Variants in NTRK3 observed in about 807,000 individuals in gnomAD.
NTRK3 encodes NT-3 growth factor receptor.
NTRK3 carries 24 observed loss-of-function variants against 91.7 expected under a neutral mutation model. That is an observed-to-expected ratio of 0.26 (90% confidence interval 0.19 to 0.37). NTRK3 has a LOEUF of 0.37. Among genes scored for constraint, NTRK3 ranks in the 10% least tolerant of loss-of-function variants. NTRK3 has a pLI of 1.00. For synonymous variants in NTRK3, 483 were observed against 404.0 expected, an observed-to-expected ratio of 1.20 and a Z score of -2.34; for missense variants, 880 against 1,068.9, an observed-to-expected ratio of 0.82 and a Z score of 2.46.
rs1284389802 is a variant in NTRK3, at chr15:88,233,089, G to A, written c.248+22817C>T. Among the ~76,000 whole-genome samples the A allele has an allele frequency of 6.6e-6, 1 of 152,184 alleles. No homozygotes were observed. Among genetic ancestry groups the A allele is most frequent in the Non-Finnish European group, 1.5e-5 (1 of 68,032 alleles). On this transcript the variant is annotated intron_variant, in intron 3 of 18. Coordinates refer to ENST00000394480, the Ensembl canonical transcript of NTRK3. The surrounding 1 kb of genome is among the most constrained non-coding windows in gnomAD (Gnocchi z 4.2). Reference sequence around the variant, plus strand: ...GATGGCTTCAAGGCTGAGGGGAGAAGGGACCATTAAACTCACTGAATAAGT... The same window carrying A: ...GATGGCTTCAAGGCTGAGGGGAGAAAGGACCATTAAACTCACTGAATAAGT...
intron 5 of NTRK3, among the ~76,000 whole-genome samples, chr15:88,169,512 T>C (rs1467416983): frequency 6.6e-6 from 1 of 152,198 alleles, no homozygotes; most frequent in African/African-American, 2.4e-5. Flanking sequence ...CTTGTCTTTC[T>C]GCAGCCCTGA....
intron 17 of NTRK3, among the ~76,000 whole-genome samples, chr15:87,904,154 A>AC (rs2066614238): frequency 7.0e-6 from 1 of 142,762 alleles, no homozygotes; most frequent in Non-Finnish European, 1.5e-5. Flanking sequence ...TACAATAAGC[A>AC]TTTTTTTTTT....
intron 5 of NTRK3, among the ~76,000 whole-genome samples, chr15:88,166,451 G>C (rs370024676): frequency 6.6e-6 from 1 of 152,158 alleles, no homozygotes; most frequent in African/African-American, 2.4e-5. Flanking sequence ...GGCAATGCTA[G>C]GGGAAGGTGA....
rs554452198 is a variant in NTRK3, at chr15:88,049,299, G to GCATATGTTTAT, written c.1397-16255_1397-16254insATAAACATATG. On this transcript the variant is annotated intron_variant, in intron 13 of 18. Transcript: ENST00000394480. Reference sequence around the variant, plus strand: ...AGTTTTCAAGAGTTTATGTTCCCAGGGCAGCAGGCATAATTTTGACCCTGT... The same window carrying GCATATGTTTAT: ...AGTTTTCAAGAGTTTATGTTCCCAGGCATATGTTTATGCAGCAGGCATAATTTTGACCCTGT... Among the ~76,000 whole-genome samples, 120 of 152,180 alleles carry GCATATGTTTAT rather than the reference G, an allele frequency of 7.9e-4. 2 individuals are homozygous for GCATATGTTTAT. The South Asian group carries it at 0.024, about 30-fold the overall frequency.
intron 13 of NTRK3, among the ~76,000 whole-genome samples, chr15:88,066,229 C>A (rs1024163006): frequency 6.6e-6 from 1 of 152,162 alleles, no homozygotes; most frequent in East Asian, 1.9e-4. Flanking sequence ...TCAATGGGCA[C>A]GTCAGACATG....
intron 13 of NTRK3, among the ~76,000 whole-genome samples, chr15:88,104,191 A>T (rs577570434): frequency 2.7e-4 from 41 of 152,360 alleles, no homozygotes; most frequent in African/African-American, 9.4e-4. Context: ...GACGTCAGGG[A>T]CACATCCACC....
At chr15:87,983,534 A>T (rs2074476947) in intron 14 of NTRK3, among the ~76,000 whole-genome samples, 1 of 152,214 alleles carries the variant, frequency 6.6e-6, no homozygotes, top group Admixed American at 6.5e-5. Context: ...TATCACCTAC[A>T]GTTAGTTCTT....
chr15:88,075,356 G>A (rs745372877), intron 13 of NTRK3, among the ~76,000 whole-genome samples: 1 of 152,206 alleles, frequency 6.6e-6, no homozygotes, highest in East Asian at 1.9e-4. Flanking sequence ...GCCTTCACCA[G>A]TATGACTGTC....
chr15:87,954,158 C>A (rs575485027), intron 14 of NTRK3, among the ~76,000 whole-genome samples: 1 of 152,088 alleles, frequency 6.6e-6, no homozygotes, highest in Admixed American at 6.6e-5. Flanking sequence ...GCAAGGCCCA[C>A]GGCCTGGGTT....
At chr15:88,005,242 T>C (rs889339716) in intron 14 of NTRK3, among the ~76,000 whole-genome samples, 1 of 152,194 alleles carries the variant, frequency 6.6e-6, no homozygotes, top group Admixed American at 6.5e-5. Context: ...CATGCTTTCC[T>C]GAGTAGGAGC....
At chr15:88,143,602 TCA>T (rs1193197244) in intron 6 of NTRK3, among the ~76,000 whole-genome samples, 2 of 152,198 alleles carry the variant, frequency 1.3e-5, no homozygotes, top group African/African-American at 4.8e-5. Flanking sequence ...CCTTCCTTCT[TCA>T]CAAATTTATT....
intron 16 of NTRK3, among the ~76,000 whole-genome samples, chr15:87,930,488 T>A (rs967627966): frequency 6.6e-6 from 1 of 152,084 alleles, no homozygotes; most frequent in African/African-American, 2.4e-5. Context: ...TCTGCCTACC[T>A]CACTCCTCAG....
intron 13 of NTRK3, among the ~76,000 whole-genome samples, chr15:88,115,254 C>T (rs544245873): frequency 8.5e-5 from 13 of 152,338 alleles, no homozygotes; most frequent in African/African-American, 3.1e-4. Flanking sequence ...CACACAGCTC[C>T]CTCAGGTTGG....
rs1251365700 is a variant in NTRK3, at chr15:87,980,533, ATG to A, written c.1586-39782_1586-39781del. On this transcript the variant is annotated intron_variant, in intron 14 of 18. Transcript: ENST00000394480. ...TGCGAATATATGTGTGTGTACACAT[ATG>A]TGTGTGTTTGAATGTGTATGTGTGT... Among the ~76,000 whole-genome samples, 3 of 151,738 alleles carry A rather than the reference ATG, an allele frequency of 2.0e-5. No individual in the cohort carries two copies. In the East Asian group the frequency reaches 5.8e-4, roughly 29 times the overall value.
chr15:88,134,990 A>G, intron 10 of NTRK3, 111 bp downstream of exon 10: 1 of 1,301,522 alleles, frequency 7.7e-7, no homozygotes, highest in Non-Finnish European at 1.1e-6. Flanking sequence ...TTTGTTGCCC[A>G]TGATAACAGT....
At chr15:87,866,753 G>C (rs902783458) in exon 19 of NTRK3, 2 of 191,180 alleles carry the variant, frequency 1.0e-5, no homozygotes, top group African/African-American at 4.7e-5. Flanking sequence ...CTGTGCTTAA[G>C]ATATAAACCT....
At chr15:87,973,810 AG>A (rs1242784609) in intron 14 of NTRK3, among the ~76,000 whole-genome samples, 3 of 152,102 alleles carry the variant, frequency 2.0e-5, no homozygotes, top group Non-Finnish European at 4.4e-5. Flanking sequence ...GACTCCAAGC[AG>A]CCAGCATCGC....
chr15:87,914,447 G>C (rs1371535987), intron 17 of NTRK3, among the ~76,000 whole-genome samples: 1 of 152,208 alleles, frequency 6.6e-6, no homozygotes, highest in Admixed American at 6.5e-5. Flanking sequence ...CTGGTGCCCA[G>C]TGAGTGGGAA....
rs200903056 is a variant in NTRK3 at position 88,017,990 on chromosome 15, C to T, written c.1585+14867G>A. 2.0e-4 allele frequency among the ~76,000 whole-genome samples: 31 copies of T among 152,300 alleles called. 1 individual carries two copies. In the East Asian group the frequency reaches 5.8e-3, roughly 29 times the overall value. The stretch of plus-strand genomic sequence containing the variant: ...GCAATTCTAGGTCTGGGGACAGAAG[C>T]TTATACATTGCCTGCTGAGAGGCCC... On this transcript the variant is annotated intron_variant, in intron 14 of 18. Coordinates refer to ENST00000394480, the Ensembl canonical transcript of NTRK3.
Sources: gnomAD v4.1 joint callset for allele counts (sites outside exome capture counted in the v4.1 genomes callset) on GRCh38, gnomAD v4.1.1 for gene constraint, Gnocchi (gnomAD v3.1) non-coding constraint, MANE v1.5 for transcripts, NCBI Gene and HGNC (gene_info 2026-07-23, HGNC 2026-07-21) for gene names.